Variants in USP13 observed in about 807,000 individuals in gnomAD.
The protein encoded by USP13 is ubiquitin carboxyl-terminal hydrolase 13.
A neutral mutation model predicts 107.8 loss-of-function variants in USP13; 68 were observed. That is an observed-to-expected ratio of 0.63 (90% confidence interval 0.52 to 0.77). The LOEUF (loss-of-function observed/expected upper bound fraction) is 0.77, where lower values mean the gene tolerates loss of function less well. Ranked by LOEUF, USP13 falls within the 30% of genes least tolerant of loss-of-function variation. The pLI, the probability that USP13 is intolerant of heterozygous loss-of-function variation, is 0.00. For synonymous variants in USP13, 377 were observed against 389.5 expected (o/e 0.97, Z 0.38); for missense variants, 945 against 1,093.3 (o/e 0.86, Z 1.91).
chr3:179,774,293 C>T (rs1000714430), intron 19 of USP13, among the ~76,000 whole-genome samples: 3 of 152,164 alleles, frequency 2.0e-5, no homozygotes, highest in Non-Finnish European at 4.4e-5. Context: ...CCCACTATGT[C>T]CGGAATTGGT....
intron 6 of USP13, among the ~76,000 whole-genome samples, chr3:179,718,264 CT>C (rs923405058): frequency 3.4e-5 from 5 of 146,610 alleles, no homozygotes; most frequent in Non-Finnish European, 4.5e-5. Context: ...ACATTTTTTT[CT>C]TTTTTTTCCT....
chr3:179,696,316 G>T (rs1712322850), intron 3 of USP13, among the ~76,000 whole-genome samples: 1 of 147,956 alleles, frequency 6.8e-6, no homozygotes. Flanking sequence ...TAAATAAACA[G>T]AGCCATTAGG....
intron 10 of USP13, among the ~76,000 whole-genome samples, chr3:179,736,209 G>T (rs1282707702): frequency 5.9e-5 from 9 of 152,266 alleles, no homozygotes; most frequent in African/African-American, 2.2e-4. Context: ...GAAGGAGCTG[G>T]ACTATTTGCT....
chr3:179,734,187 A>T (rs973034985), intron 10 of USP13, among the ~76,000 whole-genome samples: 2 of 152,250 alleles, frequency 1.3e-5, no homozygotes, highest in Non-Finnish European at 1.5e-5. Context: ...TGCTTAATAA[A>T]CATTGTCATG....
chr3:179,675,485 A>T (rs1255924931), intron 1 of USP13, among the ~76,000 whole-genome samples: 2 of 151,514 alleles, frequency 1.3e-5, no homozygotes, highest in Non-Finnish European at 2.9e-5. Context: ...GCTACCATTA[A>T]TATTTTAAAA....
At chr3:179,679,515 TAAG>T (rs993737856) in intron 1 of USP13, among the ~76,000 whole-genome samples, 4 of 152,096 alleles carry the variant, frequency 2.6e-5, no homozygotes, top group Non-Finnish European at 1.5e-5. Flanking sequence ...AACCATAGCT[TAAG>T]AAAATCCACT....
At chr3:179,692,967 A>AT in intron 3 of USP13, among the ~76,000 whole-genome samples, 1 of 152,248 alleles carries the variant, frequency 6.6e-6, no homozygotes, top group South Asian at 2.1e-4. Context: ...TATTCTCTGT[A>AT]TTCAGGCAAG....
intron 1 of USP13, among the ~76,000 whole-genome samples, chr3:179,667,953 G>T (rs755783521): frequency 7.9e-5 from 12 of 151,868 alleles, no homozygotes; most frequent in Non-Finnish European, 1.2e-4. Context: ...CGGCTGATTC[G>T]GTTTTATACT....
intron 19 of USP13, among the ~76,000 whole-genome samples, chr3:179,774,144 G>A (rs963684988): frequency 6.6e-6 from 1 of 152,170 alleles, no homozygotes; most frequent in Non-Finnish European, 1.5e-5. Flanking sequence ...GCAAGAGAGA[G>A]AACAAGCGAG....
chr3:179,663,272 T>C (rs1191657778), intron 1 of USP13, among the ~76,000 whole-genome samples: 3 of 152,356 alleles, frequency 2.0e-5, no homozygotes, highest in South Asian at 2.1e-4. Context: ...TCATTTCACT[T>C]GGCATAATGT....
chr3:179,715,325 T>A (rs557464928), intron 6 of USP13, among the ~76,000 whole-genome samples: 1 of 151,876 alleles, frequency 6.6e-6, no homozygotes, highest in Admixed American at 6.6e-5. Context: ...TTTAAAGAGA[T>A]CCTACATGCT....
chr3:179,770,119 G>A (rs764921199), intron 19 of USP13, among the ~76,000 whole-genome samples: 3 of 152,072 alleles, frequency 2.0e-5, no homozygotes, highest in Non-Finnish European at 4.4e-5. Flanking sequence ...CGTGTTAACA[G>A]CTTATTTCCT....
intron 4 of USP13, 75 bp from the exon 5 acceptor site, chr3:179,706,859 T>A: frequency 6.8e-7 from 1 of 1,479,108 alleles, no homozygotes; most frequent in Non-Finnish European, 9.1e-7. Flanking sequence ...CATATTCTAG[T>A]GAATTTGCTA....
chr3:179,780,989 T>C (rs1020840396), intron 19 of USP13, among the ~76,000 whole-genome samples: 1 of 152,224 alleles, frequency 6.6e-6, no homozygotes, highest in Admixed American at 6.5e-5. Flanking sequence ...AACGGTTTGC[T>C]GAGTGGACTG....
intron 2 of USP13, among the ~76,000 whole-genome samples, 185 bp from the exon 3 acceptor site, chr3:179,690,056 G>A (rs1576927698): frequency 6.6e-6 from 1 of 152,246 alleles, no homozygotes; most frequent in Non-Finnish European, 1.5e-5. Flanking sequence ...CAGGTGGATA[G>A]CATTGCCCTT....
At chr3:179,769,760 G>A (rs1394733686) in intron 19 of USP13, among the ~76,000 whole-genome samples, 2 of 152,092 alleles carry the variant, frequency 1.3e-5, no homozygotes, top group African/African-American at 4.8e-5. Flanking sequence ...TACAGCATAT[G>A]CCTAATGTAA....
At position 179,708,906 on chromosome 3, in the gene USP13, A is replaced by G. The variant is rs778998322; in HGVS notation, c.754A>G (p.Met252Val). Residue 252 changes from methionine (M) to valine (V), a missense_variant, in exon 6 of 21, where the codon ATG (methionine) becomes GTG (valine). Coordinates refer to ENST00000263966, the MANE Select transcript of USP13 (RefSeq NM_003940.3). ...GCATGCGCTGGAGCATTACAGAGAC[A>G]TGGGCTACCCACTAGCCGTGAAACT... Reference protein sequence around the residue: ...NGHALEHYRDMGYPLAVKLGT... With the variant: ...NGHALEHYRDVGYPLAVKLGT... 3 of 1,614,074 alleles carry G rather than the reference A, an allele frequency of 1.9e-6. No individual in the cohort carries two copies. The highest frequency in any genetic ancestry group is 2.7e-5 in the African/African-American group (2 of 75,014).
chr3:179,786,572 T>C lies in USP13; in HGVS notation c.*2431T>C. On this transcript the variant is annotated 3_prime_UTR_variant, in exon 21 of 21. Coordinates refer to ENST00000263966, the MANE Select transcript of USP13 (RefSeq NM_003940.3). ...AGGCAAAGTTTTGTATATGTGCTATTCTTTACTTCAGATTGAGAGTTGGGA... is the reference window on the plus strand; with the variant it reads ...AGGCAAAGTTTTGTATATGTGCTATCCTTTACTTCAGATTGAGAGTTGGGA... 6.5e-6 allele frequency: 1 copy of C among 155,038 alleles called. No individual in the cohort carries two copies. Among genetic ancestry groups the C allele is most frequent in the Non-Finnish European group, 1.4e-5 (1 of 70,022 alleles). 9.6% of individuals were successfully genotyped at this position (155,038 alleles called of 1,614,324 possible).
chr3:179,699,800 ACTGCC>A (rs1051372522), intron 3 of USP13, among the ~76,000 whole-genome samples: 1 of 147,540 alleles, frequency 6.8e-6, no homozygotes, highest in Non-Finnish European at 1.5e-5. Context: ...TTTACTACAA[ACTGCC>A]CTACCTTTGG....
Sources: allele counts gnomAD v4.1 joint callset (sites outside exome capture counted in the v4.1 genomes callset), GRCh38; gene constraint gnomAD v4.1.1; transcripts MANE v1.5; gene names NCBI Gene and HGNC (gene_info 2026-07-23, HGNC 2026-07-21).